Variants in WFS1 observed in about 807,000 individuals in gnomAD.
WFS1 encodes the protein wolframin ER transmembrane glycoprotein.
A neutral mutation model predicts 68.5 loss-of-function variants in WFS1; 90 were observed. That is an observed-to-expected ratio of 1.31 (90% confidence interval 1.11 to 1.56). The LOEUF is 1.56. Among genes scored for constraint, WFS1 ranks in the 40% most tolerant of loss-of-function variants. The pLI is 0.00. For synonymous variants in WFS1, 860 were observed against 540.7 expected (o/e 1.59, Z -8.19); for missense variants, 1,767 against 1,232.6 (o/e 1.43, Z -6.49).
At chr4:6,286,353 C>T (rs551557226) in intron 2 of WFS1, among the ~76,000 whole-genome samples, 12 of 152,274 alleles carry the variant, frequency 7.9e-5, no homozygotes, top group Middle Eastern at 3.4e-3. Context: ...AGGGAGCTCC[C>T]TTGCCCCTTC....
chr4:6,273,875 C>G (rs148099732), intron 1 of WFS1, among the ~76,000 whole-genome samples: 177 of 152,344 alleles, frequency 1.2e-3, no homozygotes, highest in African/African-American at 4.0e-3. Flanking sequence ...TCCATTCTTA[C>G]TAACCAGAGA....
chr4:6,280,336 C>T (rs924509589), intron 2 of WFS1, among the ~76,000 whole-genome samples: 8 of 152,246 alleles, frequency 5.3e-5, no homozygotes, highest in Non-Finnish European at 1.2e-4. Flanking sequence ...CGTTTCTTCA[C>T]AGGCAGCTGT....
Position 6,302,779 on chromosome 4 carries a change from A to C in WFS1, c.*311A>C. On this transcript the variant is annotated 3_prime_UTR_variant, in exon 8 of 8. Coordinates refer to ENST00000226760, the MANE Select transcript of WFS1 (RefSeq NM_006005.3). ...TCCGGTGTCTGGAAAAGCACTTTAC[A>C]GATGAGATTCCCTCTCCTCCCCCAC... The C allele has an allele frequency of 4.1e-6, 2 of 488,846 alleles. No individual in the cohort carries two copies. The highest frequency in any genetic ancestry group is 7.3e-6 in the Non-Finnish European group (2 of 273,778). The allele number at this position is 488,846 out of a possible 1,614,324, so 30.3% of individuals were successfully genotyped here. A position where few individuals can be genotyped will look rare whatever the true frequency, so the allele number is the denominator to read the frequency against.
At chr4:6,270,466 TG>T (rs71173429) in intron 1 of WFS1, among the ~76,000 whole-genome samples, 89,144 of 151,482 alleles carry the variant, frequency 0.59, 26,872 homozygotes, top group East Asian at 0.93. Flanking sequence ...GGAGGTGTTG[TG>T]GGGGGGAAGG....
intron 5 of WFS1, among the ~76,000 whole-genome samples, 174 bp from the exon 6 acceptor site, chr4:6,291,743 A>C (rs1730469760): frequency 6.6e-6 from 1 of 152,140 alleles, no homozygotes; most frequent in Non-Finnish European, 1.5e-5. Flanking sequence ...CAGCTACTGG[A>C]GGTACAGAGG....
chr4:6,274,092 G>A (rs996318711), intron 1 of WFS1, among the ~76,000 whole-genome samples: 1 of 151,174 alleles, frequency 6.6e-6, no homozygotes, highest in Admixed American at 6.6e-5. Context: ...TGTCACCCAG[G>A]CTGGAGTGCA....
At chr4:6,271,944 G>A (rs1347759466) in intron 1 of WFS1, among the ~76,000 whole-genome samples, 4 of 152,216 alleles carry the variant, frequency 2.6e-5, no homozygotes, top group East Asian at 3.9e-4. Flanking sequence ...AGCCACCTGC[G>A]TGTTCCTGGC....
intron 1 of WFS1, among the ~76,000 whole-genome samples, chr4:6,272,897 G>C (rs548231698): frequency 6.6e-6 from 1 of 152,342 alleles, no homozygotes; most frequent in South Asian, 2.1e-4. Flanking sequence ...ACGTTTACCA[G>C]CTGTACAGCG....
rs868003197 is a variant in WFS1, at chr4:6,276,600, C to T, written c.-5-851C>T. On this transcript the variant is annotated intron_variant, in intron 1 of 7. Transcript: ENST00000226760. Reference sequence around the variant, plus strand: ...ATCCCAGCTCCACCCATTTGGCTCCCTCTCTTCTCTCCCCTGCCCTCTTCT... The same window carrying T: ...ATCCCAGCTCCACCCATTTGGCTCCTTCTCTTCTCTCCCCTGCCCTCTTCT... Among the ~76,000 whole-genome samples the T allele has an allele frequency of 5.3e-5, 8 of 152,206 alleles. No homozygotes were observed. The South Asian group carries it at 1.7e-3, about 31-fold the overall frequency.
chr4:6,288,523 T>C (rs959806436), intron 3 of WFS1: 1 of 262,332 alleles, frequency 3.8e-6, no homozygotes, highest in Non-Finnish European at 7.5e-6. Flanking sequence ...AATGAATGGT[T>C]ATGGTTGTAT....
Position 6,302,165 on chromosome 4 carries a change from G to T in WFS1, c.2370G>T (p.Ser790=), listed in dbSNP as rs150936382. 4 of 1,611,772 alleles carry T rather than the reference G, an allele frequency of 2.5e-6. No individual in the cohort carries two copies. Among genetic ancestry groups the T allele is most frequent in the African/African-American group, 1.3e-5 (1 of 75,048 alleles). Residue 790 remains serine, a synonymous_variant, in exon 8 of 8, where the codon TCG becomes TCT. Coordinates refer to ENST00000226760, the MANE Select transcript of WFS1 (RefSeq NM_006005.3). ...GMPFSSGADG[S]RSREEDDVTK... ...CATTCAGCAGCGGCGCTGACGGCTCGCGCAGCCGCGAGGAGGACGACGTCA... is the reference window on the plus strand; with the variant it reads ...CATTCAGCAGCGGCGCTGACGGCTCTCGCAGCCGCGAGGAGGACGACGTCA...
In WFS1 at chr4:6,301,332, T is replaced by C; in HGVS notation, c.1537T>C (p.Tyr513His). The C allele has an allele frequency of 6.2e-7, 1 of 1,612,040 alleles. No homozygotes were observed. The highest frequency in any genetic ancestry group is 2.2e-5 in the East Asian group (1 of 44,880). The change falls in exon 8 of 8, where the codon TAT (tyrosine) becomes CAT (histidine). Residue 513 changes from tyrosine to histidine, a missense_variant. Physicochemically the swap from Tyr to His is moderately conservative, Grantham distance 83. Coordinates refer to ENST00000226760, the MANE Select transcript of WFS1 (RefSeq NM_006005.3). Reference sequence around the variant, plus strand: ...GTGCCTGCTCTATGTCTACCTGCTCTATCTCTTCTTCCGCATGGCACAGCT... The same window carrying C: ...GTGCCTGCTCTATGTCTACCTGCTCCATCTCTTCTTCCGCATGGCACAGCT... ...VPCLLYVYLL[Y>H]LFFRMAQLRN...
rs753784863 is a variant in WFS1 at position 6,301,931 on chromosome 4, C to G, written c.2136C>G (p.Ile712Met). The change falls in exon 8 of 8, where the codon ATC becomes ATG. Residue 712 changes from isoleucine (I) to methionine (M), a missense_variant. Ile to Met is a conservative substitution (Grantham distance 10, BLOSUM62 1). Transcript: ENST00000226760. ...GRFKYVRVTD[I>M]DNSAESAINM... Reference sequence around the variant, plus strand: ...TCAAGTACGTCCGCGTGACTGACATCGACAACAGCGCCGAGTCTGCCATCA... The same window carrying G: ...TCAAGTACGTCCGCGTGACTGACATGGACAACAGCGCCGAGTCTGCCATCA... 4 of 1,612,790 alleles carry G rather than the reference C, an allele frequency of 2.5e-6. No homozygotes were observed. The highest frequency in any genetic ancestry group is 1.3e-5 in the African/African-American group (1 of 74,940).
At position 6,302,111 on chromosome 4, in the gene WFS1, C is replaced by G; in HGVS notation, c.2316C>G (p.Arg772=). 2 of 1,612,966 alleles carry G rather than the reference C, an allele frequency of 1.2e-6. No individual in the cohort carries two copies. The highest frequency in any genetic ancestry group is 1.7e-6 in the Non-Finnish European group (2 of 1,180,022). Residue 772 remains arginine (R), a synonymous_variant, in exon 8 of 8, where the codon CGC becomes CGG. Transcript: ENST00000226760. The stretch of plus-strand genomic sequence containing the variant: ...CCTGCCACATCAAGAAGTTCGACCG[C>G]TACAAGTTTGAGATTACCGTGGGCA... ...KHPCHIKKFD[R]YKFEITVGMP...
chr4:6,299,234 T>C (rs1471771017), intron 7 of WFS1, among the ~76,000 whole-genome samples: 1 of 152,250 alleles, frequency 6.6e-6, no homozygotes, highest in Admixed American at 6.5e-5. Flanking sequence ...GTGGCAGCGC[T>C]GCTTCACCCC....
chr4:6,297,147 GGA>G (rs1262299304), intron 7 of WFS1, among the ~76,000 whole-genome samples: 6 of 152,310 alleles, frequency 3.9e-5, no homozygotes, highest in Middle Eastern at 3.4e-3. Flanking sequence ...TTTTTAGAAG[GGA>G]GAGATTTAAG....
intron 1 of WFS1, among the ~76,000 whole-genome samples, chr4:6,273,357 G>T (rs1157920764): frequency 1.3e-5 from 2 of 152,240 alleles, no homozygotes; most frequent in Admixed American, 6.5e-5. Flanking sequence ...TTGGTTTTGT[G>T]GATCTTACAC....
Position 6,301,461 on chromosome 4 carries a change from C to G in WFS1, c.1666C>G (p.Leu556Val). The G allele has an allele frequency of 6.2e-7, 1 of 1,612,668 alleles. No individual in the cohort carries two copies. Among genetic ancestry groups the G allele is most frequent in the Non-Finnish European group, 8.5e-7 (1 of 1,180,036 alleles). Reference sequence around the variant, plus strand: ...CCTGCTGGAGTCCACCGGCCTGGGGCTGCTCCGCGCCTCCATCGGCTACTT... The same window carrying G: ...CCTGCTGGAGTCCACCGGCCTGGGGGTGCTCCGCGCCTCCATCGGCTACTT... Reference protein sequence around the residue: ...VILLESTGLGLLRASIGYFLF... With the variant: ...VILLESTGLGVLRASIGYFLF... Residue 556 changes from leucine to valine, a missense_variant, in exon 8 of 8, where the codon CTG becomes GTG. Leu to Val is a conservative substitution (Grantham distance 32). Transcript: ENST00000226760.
Position 6,301,066 on chromosome 4 carries a change from A to C in WFS1, c.1271A>C (p.Lys424Thr). 1 of 1,614,108 alleles carries C rather than the reference A, an allele frequency of 6.2e-7. No individual in the cohort carries two copies. Residue 424 changes from lysine to threonine, a missense_variant, in exon 8 of 8, where the codon AAG becomes ACG. By Grantham distance (78) the Lys-to-Thr change is moderately conservative (BLOSUM62 -1). Transcript: ENST00000226760. ...FVIFSFPIAS[K>T]DCIPCSELAV... ...ATCTTCTCCTTCCCCATCGCCAGCA[A>C]GGACTGCATCCCCTGCTCGGAGCTG...
Sources: gnomAD v4.1 joint callset for allele counts (sites outside exome capture counted in the v4.1 genomes callset) on GRCh38, gnomAD v4.1.1 for gene constraint, MANE v1.5 for transcripts, NCBI Gene and HGNC (gene_info 2026-07-23, HGNC 2026-07-21) for gene names.